Variants in SLC35D4 observed in about 807,000 individuals in gnomAD.
SLC35D4 encodes solute carrier family 35 member D4.
chr18:23,373,346 CTT>C, the SLC35D4 span, among the ~76,000 whole-genome samples: 1 of 152,000 alleles, frequency 6.6e-6, no homozygotes, highest in Non-Finnish European at 1.5e-5. Flanking sequence ...CAAAAAATCA[CTT>C]TGCAGGAGAT....
chr18:23,399,449 C>A, the SLC35D4 span: 1 of 912,852 alleles, frequency 1.1e-6, no homozygotes, highest in South Asian at 1.7e-5. Context: ...AGTAATAGGT[C>A]CCATTATTAT....
chr18:23,386,468 C>G, the SLC35D4 span, among the ~76,000 whole-genome samples: 2 of 152,122 alleles, frequency 1.3e-5, no homozygotes, highest in Admixed American at 6.6e-5. Context: ...GGCTCAGGAC[C>G]GGGCCCAGCC....
the SLC35D4 span, among the ~76,000 whole-genome samples, chr18:23,356,881 A>G: frequency 6.6e-6 from 1 of 152,212 alleles, no homozygotes; most frequent in Non-Finnish European, 1.5e-5. The surrounding 1 kb of genome is among the most constrained non-coding windows in gnomAD (Gnocchi z 4.1). Flanking sequence ...TAGTGAGAGC[A>G]TGCCTTGTGC....
the SLC35D4 span, among the ~76,000 whole-genome samples, chr18:23,302,994 A>G: frequency 1.3e-5 from 2 of 152,272 alleles, no homozygotes; most frequent in Admixed American, 1.3e-4. Context: ...GAGAAGAAAT[A>G]GTAACTATAC....
chr18:23,246,075 G>A, the SLC35D4 span, among the ~76,000 whole-genome samples: 1 of 152,118 alleles, frequency 6.6e-6, no homozygotes, highest in Non-Finnish European at 1.5e-5. Context: ...AGACCATCCT[G>A]GCCAACGGTG....
At chr18:23,432,614 G>C in the SLC35D4 span, among the ~76,000 whole-genome samples, 2 of 151,026 alleles carry the variant, frequency 1.3e-5, no homozygotes, top group African/African-American at 4.9e-5. Flanking sequence ...CCGGGAGGTG[G>C]AGGTTGCAGT....
the SLC35D4 span, among the ~76,000 whole-genome samples, chr18:23,292,171 G>A: frequency 6.6e-6 from 1 of 151,948 alleles, no homozygotes; most frequent in Non-Finnish European, 1.5e-5. Flanking sequence ...TCCCTTTTTT[G>A]GGCATGCAGA....
the SLC35D4 span, among the ~76,000 whole-genome samples, chr18:23,402,718 C>T: frequency 2.6e-5 from 4 of 152,016 alleles, no homozygotes; most frequent in Non-Finnish European, 2.9e-5. Context: ...GTGGGAGAAT[C>T]GTTTGAGCCC....
At chr18:23,331,741 T>G in the SLC35D4 span, among the ~76,000 whole-genome samples, 1 of 152,066 alleles carries the variant, frequency 6.6e-6, no homozygotes, top group Non-Finnish European at 1.5e-5. Context: ...ATCCATTCAC[T>G]CATCCCGAAT....
At chr18:23,391,898 G>A in the SLC35D4 span, among the ~76,000 whole-genome samples, 1 of 151,832 alleles carries the variant, frequency 6.6e-6, no homozygotes, top group Non-Finnish European at 1.5e-5. Flanking sequence ...ATCTCTCTGT[G>A]ACATCATCTG....
At chr18:23,397,787 T>G in the SLC35D4 span, among the ~76,000 whole-genome samples, 1 of 152,150 alleles carries the variant, frequency 6.6e-6, no homozygotes, top group East Asian at 1.9e-4. Context: ...GTGCAGTAGC[T>G]CATGCCTGTA....
chr18:23,370,245 T>C, the SLC35D4 span: 3 of 1,611,876 alleles, frequency 1.9e-6, no homozygotes, highest in Non-Finnish European at 2.5e-6. Flanking sequence ...GGGACTTCTG[T>C]AGAATTTTAT....
chr18:23,424,404 C>G, the SLC35D4 span, among the ~76,000 whole-genome samples: 10 of 152,174 alleles, frequency 6.6e-5, no homozygotes, highest in African/African-American at 2.2e-4. Flanking sequence ...TACCAGACAC[C>G]AAGCATTGTT....
the SLC35D4 span, among the ~76,000 whole-genome samples, chr18:23,262,999 G>A: frequency 6.6e-6 from 1 of 152,192 alleles, no homozygotes; most frequent in Non-Finnish European, 1.5e-5. Flanking sequence ...AGGAGGACTC[G>A]ATATTCACCA....
At chr18:23,359,192 C>T in the SLC35D4 span, among the ~76,000 whole-genome samples, 3 of 152,036 alleles carry the variant, frequency 2.0e-5, no homozygotes, top group Non-Finnish European at 4.4e-5. Context: ...CAAGACCAGC[C>T]TGGCTAAGAT....
At chr18:23,423,160 T>C in the SLC35D4 span, among the ~76,000 whole-genome samples, 2 of 152,214 alleles carry the variant, frequency 1.3e-5, no homozygotes, top group African/African-American at 2.4e-5. Context: ...CTTGGGAACA[T>C]GCCAGGCCAT....
At chr18:23,294,345 G>A in the SLC35D4 span, among the ~76,000 whole-genome samples, 1 of 152,154 alleles carries the variant, frequency 6.6e-6, no homozygotes, top group Admixed American at 6.5e-5. Flanking sequence ...TGGGGCTACA[G>A]TGAGGGGGCC....
chr18:23,409,025 C>T, the SLC35D4 span, among the ~76,000 whole-genome samples: 720 of 151,992 alleles, frequency 4.7e-3, 5 homozygotes, highest in African/African-American at 0.017. Flanking sequence ...ATTCCTGTTA[C>T]TTGGGAGGCT....
chr18:23,389,706 T>G, the SLC35D4 span, among the ~76,000 whole-genome samples: 1 of 152,142 alleles, frequency 6.6e-6, no homozygotes, highest in Non-Finnish European at 1.5e-5. Flanking sequence ...GCCCAGCTAA[T>G]TTTTGTATTT....
Sources: allele counts gnomAD v4.1 joint callset (sites outside exome capture counted in the v4.1 genomes callset), GRCh38; gene constraint gnomAD v4.1.1; non-coding constraint Gnocchi (gnomAD v3.1); transcripts MANE v1.5; gene names NCBI Gene and HGNC (gene_info 2026-07-23, HGNC 2026-07-21).